Variants in LOC400499 observed in about 807,000 individuals in gnomAD.
At chr16:11,397,806 G>A in the LOC400499 span, among the ~76,000 whole-genome samples, 6 of 150,604 alleles carry the variant, frequency 4.0e-5, no homozygotes, top group Admixed American at 6.6e-5. Flanking sequence ...AGGGATGGAC[G>A]GACGGATGAA....
chr16:11,415,626 C>T, the LOC400499 span, among the ~76,000 whole-genome samples: 1 of 152,194 alleles, frequency 6.6e-6, no homozygotes, highest in Non-Finnish European at 1.5e-5. Flanking sequence ...ACACAATCCC[C>T]ACACCTGGGA....
the LOC400499 span, among the ~76,000 whole-genome samples, chr16:11,515,392 G>A: frequency 6.6e-6 from 1 of 151,924 alleles, no homozygotes; most frequent in Non-Finnish European, 1.5e-5. Context: ...GGAGTTGAAG[G>A]CTGCACTGAG....
the LOC400499 span, among the ~76,000 whole-genome samples, chr16:11,474,154 G>A: frequency 3.3e-3 from 496 of 152,346 alleles, 3 homozygotes; most frequent in African/African-American, 0.012. Context: ...CTATCCGCCG[G>A]CCAGATAGTC....
chr16:11,437,545 T>G, the LOC400499 span, among the ~76,000 whole-genome samples: 1 of 150,138 alleles, frequency 6.7e-6, no homozygotes, highest in South Asian at 2.1e-4. Context: ...GGTGACAGAG[T>G]AAGACCCTGT....
chr16:11,387,877 G>A, the LOC400499 span, among the ~76,000 whole-genome samples: 1 of 152,080 alleles, frequency 6.6e-6, no homozygotes, highest in African/African-American at 2.4e-5. Context: ...GCCCACCTCG[G>A]CCTCCCAAAG....
At chr16:11,416,389 C>T in the LOC400499 span, among the ~76,000 whole-genome samples, 10 of 152,200 alleles carry the variant, frequency 6.6e-5, no homozygotes, top group African/African-American at 2.2e-4. Context: ...ATCCTCACTC[C>T]GTCATTACCA....
the LOC400499 span, among the ~76,000 whole-genome samples, chr16:11,419,183 C>T: frequency 5.0e-5 from 7 of 140,146 alleles, no homozygotes; most frequent in African/African-American, 1.8e-4. Context: ...CAAAAAACAA[C>T]AACAACAAAA....
chr16:11,494,756 AG>A, the LOC400499 span: 1 of 399,192 alleles, frequency 2.5e-6, no homozygotes, highest in Non-Finnish European at 4.4e-6. Flanking sequence ...GGTCTGGAGC[AG>A]TGGCTGGGGA....
the LOC400499 span, chr16:11,488,623 C>T: frequency 5.0e-6 from 2 of 396,346 alleles, no homozygotes; most frequent in Non-Finnish European, 8.9e-6. Flanking sequence ...AACGTCTGAT[C>T]CACATGCTCT....
At chr16:11,487,289 G>A in the LOC400499 span, 2 of 398,954 alleles carry the variant, frequency 5.0e-6, no homozygotes, top group African/African-American at 4.1e-5. Flanking sequence ...CACGGCCCAT[G>A]GTGTGGATGG....
At chr16:11,485,135 G>C in the LOC400499 span, 4 of 398,594 alleles carry the variant, frequency 1.0e-5, no homozygotes, top group East Asian at 1.1e-4. Context: ...ATGATGAGCT[G>C]TTAGGCTGGG....
At chr16:11,410,399 A>G in the LOC400499 span, among the ~76,000 whole-genome samples, 10 of 152,220 alleles carry the variant, frequency 6.6e-5, no homozygotes, top group African/African-American at 2.2e-4. Context: ...GGTTGCAGTG[A>G]GCCGAAATTG....
the LOC400499 span, among the ~76,000 whole-genome samples, chr16:11,497,378 A>G: frequency 1.3e-5 from 2 of 152,258 alleles, no homozygotes; most frequent in African/African-American, 4.8e-5. Flanking sequence ...TGTTTTCTTA[A>G]TACAGAGCAG....
chr16:11,510,820 AG>A, the LOC400499 span, among the ~76,000 whole-genome samples: 2 of 151,408 alleles, frequency 1.3e-5, no homozygotes. Flanking sequence ...ACTCCAACCC[AG>A]GGAGGAAGAC....
chr16:11,430,738 A>C, the LOC400499 span, among the ~76,000 whole-genome samples: 2 of 152,158 alleles, frequency 1.3e-5, no homozygotes, highest in African/African-American at 4.8e-5. Context: ...ATGCCTGGGA[A>C]ACCCTGCACC....
chr16:11,423,269 G>C, the LOC400499 span: 7 of 399,214 alleles, frequency 1.8e-5, no homozygotes, highest in Non-Finnish European at 8.8e-6. Flanking sequence ...ACAGAGACCA[G>C]TGGGTGGGAA....
chr16:11,488,777 A>C, the LOC400499 span: 1 of 398,898 alleles, frequency 2.5e-6, no homozygotes, highest in East Asian at 3.6e-5. Context: ...CTGGCTGAGG[A>C]TGTCCTCGGG....
chr16:11,384,747 GCA>G, the LOC400499 span: 3 of 677,274 alleles, frequency 4.4e-6, no homozygotes, highest in African/African-American at 3.7e-5. Context: ...GGAGTTGAGG[GCA>G]CACGCGCTGC....
the LOC400499 span, chr16:11,384,084 G>C: frequency 8.1e-7 from 1 of 1,230,514 alleles, no homozygotes; most frequent in Non-Finnish European, 1.0e-6. Flanking sequence ...CTCAGCAGGA[G>C]ACTTCCCCCA....
Sources: gnomAD v4.1 joint callset for allele counts (sites outside exome capture counted in the v4.1 genomes callset) on GRCh38, gnomAD v4.1.1 for gene constraint, MANE v1.5 for transcripts.